The following FTH1 variants were observed in gnomAD, a reference collection of about 807,000 sequenced individuals.
The protein encoded by FTH1 is ferritin heavy chain.
In FTH1, 3 loss-of-function variants were observed where a neutral mutation model predicts 21.8. That is an observed-to-expected ratio of 0.14 (90% CI 0.06 to 0.36). FTH1 has a LOEUF of 0.36. FTH1 is among the 10% of genes least tolerant of loss of function. FTH1 has a pLI of 1.00. For missense variants in FTH1, 147 were observed against 225.8 expected, an observed-to-expected ratio of 0.65 and a Z score of 2.24; for synonymous variants, 83 against 90.1, an observed-to-expected ratio of 0.92 and a Z score of 0.45.
At chr11:61,965,340 G>A in intron 2 of FTH1, 29 bp downstream of exon 2, 1 of 1,599,244 alleles carries the variant, frequency 6.3e-7, no homozygotes, top group Non-Finnish European at 8.5e-7. Flanking sequence ...AGATGATGAA[G>A]TATGACACCC....
chr11:61,964,857 T>C lies in FTH1; in HGVS notation c.422A>G (p.Glu141Gly), dbSNP rs759829740. 1.2e-6 allele frequency: 2 copies of C among 1,603,678 alleles called. No homozygotes were observed. Among genetic ancestry groups the C allele is most frequent in the East Asian group, 2.2e-5 (1 of 44,882 alleles). Residue 141 changes from glutamate (E) to glycine (G), a missense_variant, in exon 4 of 4, where the codon GAG (glutamate) becomes GGG (glycine). Coordinates refer to ENST00000273550, the MANE Select transcript of FTH1 (RefSeq NM_002032.3). ...CAATTCTTTGATGGCTTTCACCTGC[T>C]CATTCAGGTAATGTGTCTCAATGAA... ...CDFIETHYLN[E>G]QVKAIKELGD...
chr11:61,965,371 T>G lies in FTH1; in HGVS notation c.259A>C (p.Lys87Gln), dbSNP rs1284909114. The G allele has an allele frequency of 2.5e-6, 4 of 1,613,076 alleles. No homozygotes were observed. The highest frequency in any genetic ancestry group is 3.4e-6 in the Non-Finnish European group (4 of 1,179,994). The change falls in exon 2 of 4, where the codon AAG (lysine) becomes CAG (glutamine). Residue 87 changes from lysine to glutamine, a missense_variant and splice_region_variant. By Grantham distance (53) the Lys-to-Gln change is moderately conservative (BLOSUM62 1). Transcript: ENST00000273550. Reference protein sequence around the residue: ...RGGRIFLQDIKKPDCDDWESG... With the variant: ...RGGRIFLQDIQKPDCDDWESG... The stretch of plus-strand genomic sequence containing the variant: ...CACCCCTAGGATCTTTTGTTCACCT[T>G]GATATCCTGAAGGAAGATTCGGCCA...
chr11:61,966,329 T>G (rs553010722), intron 1 of FTH1, among the ~76,000 whole-genome samples: 1 of 152,232 alleles, frequency 6.6e-6, no homozygotes, highest in Non-Finnish European at 1.5e-5. Flanking sequence ...GTGGACAGTA[T>G]GTTGATGTAA....
rs1591322929 is a variant in FTH1, at chr11:61,967,357, G to T, written c.69C>A (p.Arg23=). The T allele has an allele frequency of 6.2e-7, 1 of 1,607,230 alleles. No individual in the cohort carries two copies. The highest frequency in any genetic ancestry group is 8.5e-7 in the Non-Finnish European group (1 of 1,177,004). ...YHQDSEAAIN[R]QINLELYASY... ...AGGCGTAGAGCTCCAGGTTGATCTG[G>T]CGGTTGATGGCGGCCTCTGAGTCCT... The change falls in exon 1 of 4, where the codon CGC becomes CGA. Residue 23 remains arginine, a synonymous_variant. Transcript: ENST00000273550.
chr11:61,966,823 C>A (rs1942471497), intron 1 of FTH1, among the ~76,000 whole-genome samples: 1 of 152,192 alleles, frequency 6.6e-6, no homozygotes, highest in African/African-American at 2.4e-5. Flanking sequence ...GATCTACCCA[C>A]AAGATAAGCC....
Position 61,965,387 on chromosome 11 carries a change from G to A in FTH1, c.243C>T (p.Ile81=). 1 of 1,613,404 alleles carries A rather than the reference G, an allele frequency of 6.2e-7. No homozygotes were observed. The highest frequency in any genetic ancestry group is 2.2e-5 in the East Asian group (1 of 44,882). ...TGTTCACCTTGATATCCTGAAGGAA[G>A]ATTCGGCCACCTCGTTGGTTCTGCA... is the stretch of plus-strand genomic sequence containing the variant. The part of the protein sequence containing the change: ...MKLQNQRGGR[I]FLQDIKKPDC... Residue 81 remains isoleucine, a synonymous_variant, in exon 2 of 4, where the codon ATC becomes ATT. Coordinates refer to ENST00000273550, the MANE Select transcript of FTH1 (RefSeq NM_002032.3).
At chr11:61,966,620 T>C (rs1942467431) in intron 1 of FTH1, among the ~76,000 whole-genome samples, 1 of 152,206 alleles carries the variant, frequency 6.6e-6, no homozygotes, top group African/African-American at 2.4e-5. Flanking sequence ...ATCCAAGAAC[T>C]GGGGGTTCAA....
At chr11:61,965,217 TA>T in intron 2 of FTH1, 105 bp from the exon 3 acceptor site, 2 of 1,591,334 alleles carry the variant, frequency 1.3e-6, no homozygotes. Flanking sequence ...ACTATTTGCC[TA>T]ATTTAGTTTA....
intron 2 of FTH1, 109 bp downstream of exon 2, chr11:61,965,260 A>C (rs1384549376): frequency 6.3e-7 from 1 of 1,593,510 alleles, no homozygotes; most frequent in Middle Eastern, 1.7e-4. Flanking sequence ...CAAAAGGCAA[A>C]AGCCCAGTGT....
chr11:61,967,345 C>T lies in FTH1; in HGVS notation c.81G>A (p.Leu27=). The change falls in exon 1 of 4, where the codon CTG becomes CTA. Residue 27 remains leucine, a synonymous_variant. Transcript: ENST00000273550. ...SEAAINRQIN[L]ELYASYVYLS... ...GGTAAACGTAGGAGGCGTAGAGCTC[C>T]AGGTTGATCTGGCGGTTGATGGCGG... 1 of 1,606,492 alleles carries T rather than the reference C, an allele frequency of 6.2e-7. No individual in the cohort carries two copies.
rs371903472 is a variant in FTH1 at position 61,966,106 on chromosome 11, C to G, written c.115-591G>C. On this transcript the variant is annotated intron_variant, in intron 1 of 3. Coordinates refer to ENST00000273550, the MANE Select transcript of FTH1 (RefSeq NM_002032.3). The stretch of plus-strand genomic sequence containing the variant: ...TGGTCAACATGGTGAAACCCCGTCT[C>G]TACTAAAAATAAAAAAAAATAGCTG... Among the ~76,000 whole-genome samples the G allele has an allele frequency of 3.9e-5, 6 of 152,232 alleles. No homozygotes were observed. The East Asian group carries it at 1.2e-3, about 29-fold the overall frequency.
At position 61,967,400 on chromosome 11, in the gene FTH1, A is replaced by G; in HGVS notation, c.26T>C (p.Val9Ala). The G allele has an allele frequency of 6.2e-7, 1 of 1,604,718 alleles. No individual in the cohort carries two copies. The highest frequency in any genetic ancestry group is 8.5e-7 in the Non-Finnish European group (1 of 1,176,748). MTTASTSQ[V>A]RQNYHQDSEA... ...TGAGTCCTGGTGGTAGTTCTGGCGC[A>G]CCTGCGAGGTGGACGCGGTCGTCAT... The change falls in exon 1 of 4, where the codon GTG becomes GCG. Residue 9 changes from valine to alanine, a missense_variant. Transcript: ENST00000273550.
intron 1 of FTH1, among the ~76,000 whole-genome samples, chr11:61,966,224 A>G (rs554869393): frequency 6.6e-6 from 1 of 152,342 alleles, no homozygotes; most frequent in South Asian, 2.1e-4. Context: ...CAGTGAGCCG[A>G]GATCGCGCCA....
chr11:61,966,258 A>T (rs1306392705), intron 1 of FTH1, among the ~76,000 whole-genome samples: 3 of 152,152 alleles, frequency 2.0e-5, no homozygotes, highest in African/African-American at 7.2e-5. Flanking sequence ...TGGGCGACAG[A>T]GCGAGACTCT....
intron 2 of FTH1, 90 bp from the exon 3 acceptor site, chr11:61,965,202 A>G: frequency 6.3e-7 from 1 of 1,596,704 alleles, no homozygotes; most frequent in South Asian, 1.1e-5. Context: ...GGCAAAAGGG[A>G]CATTACTATT....
In FTH1 at chr11:61,967,442, A is replaced by AGGCGGCGGC; in HGVS notation, c.-26_-18dup. ...GGTCGTCATGGCGGCGACTAAGGAG[A>AGGCGGCGGC]GGCGGCGGCGGCGGCGGTGGCTGCG... On this transcript the variant is annotated 5_prime_UTR_variant, in exon 1 of 4. Transcript: ENST00000273550. 98 of 1,562,214 alleles carry AGGCGGCGGC rather than the reference A, an allele frequency of 6.3e-5. No homozygotes were observed. In the African/African-American group the frequency reaches 1.1e-3, roughly 17 times the overall value.
chr11:61,964,472 T>A lies in FTH1; in HGVS notation c.*255A>T. On this transcript the variant is annotated 3_prime_UTR_variant, in exon 4 of 4. Coordinates refer to ENST00000273550, the MANE Select transcript of FTH1 (RefSeq NM_002032.3). ...ATACAAATACTCGTTTCTTTTTGAT[T>A]AGTGTGATTAGAACTGAACAACGGC... 3.3e-6 allele frequency: 2 copies of A among 615,072 alleles called. No individual in the cohort carries two copies. Among genetic ancestry groups the A allele is most frequent in the East Asian group, 5.6e-5 (2 of 35,740 alleles). 38.1% of individuals were successfully genotyped at this position (615,072 alleles called of 1,614,324 possible). A position where few individuals can be genotyped will look rare whatever the true frequency, so the allele number is the denominator to read the frequency against.
At chr11:61,967,122 G>A (rs1309444528) in intron 1 of FTH1, 190 bp downstream of exon 1, 3 of 425,166 alleles carry the variant, frequency 7.1e-6, no homozygotes. Context: ...TCAGGGTACA[G>A]CCGAGAAGAA....
In FTH1 at chr11:61,964,909, A is replaced by G; in HGVS notation, c.388-18T>C. 6.2e-7 allele frequency: 1 copy of G among 1,612,612 alleles called. No homozygotes were observed. Among genetic ancestry groups the G allele is most frequent in the Non-Finnish European group, 8.5e-7 (1 of 1,180,026 alleles). On this transcript the variant is annotated intron_variant, in intron 3 of 3. Coordinates refer to ENST00000273550, the MANE Select transcript of FTH1 (RefSeq NM_002032.3). ...TCACACAACTGCAAAACAATGGGGA[A>G]GACAGTTAGTGGGCAGCTTTCCCAA...
Sources: gnomAD v4.1 joint callset for allele counts (sites outside exome capture counted in the v4.1 genomes callset) on GRCh38, gnomAD v4.1.1 for gene constraint, MANE v1.5 for transcripts, NCBI Gene and HGNC (gene_info 2026-07-23, HGNC 2026-07-21) for gene names.